SERINC5: variants seen among roughly 807,000 people sequenced by gnomAD.
SERINC5 encodes serine incorporator 5, also known as chromosome 5 open reading frame 12.
In SERINC5, 41 loss-of-function variants were observed where a neutral mutation model predicts 63.1. The ratio of observed to expected loss-of-function variants is 0.65; its 90% confidence interval spans 0.51 to 0.84. The LOEUF (loss-of-function observed/expected upper bound fraction) is 0.84. Ranked by LOEUF, SERINC5 falls within the 40% of genes least tolerant of loss-of-function variation. The pLI is 0.00. For synonymous variants in SERINC5, 222 were observed against 215.2 expected (o/e 1.03, Z -0.28); for missense variants, 523 against 573.0 (o/e 0.91, Z 0.89).
At chr5:80,183,072 A>G (rs2112434745) in intron 2 of SERINC5, among the ~76,000 whole-genome samples, 1 of 152,266 alleles carries the variant, frequency 6.6e-6, no homozygotes. Context: ...CTTTGGCTAC[A>G]AAGTGGAAGA....
intron 8 of SERINC5, among the ~76,000 whole-genome samples, chr5:80,152,073 T>C (rs1168793854): frequency 6.6e-6 from 1 of 152,240 alleles, no homozygotes; most frequent in Non-Finnish European, 1.5e-5. Flanking sequence ...ATCACTTTCA[T>C]TTCTGCTTTG....
intron 5 of SERINC5, 112 bp from the exon 6 acceptor site, chr5:80,169,658 A>AC: frequency 1.3e-6 from 1 of 753,526 alleles, no homozygotes; most frequent in Non-Finnish European, 2.2e-6. Context: ...GCTACAGGCC[A>AC]CAGGCACTGG....
At chr5:80,180,406 T>G (rs925912091) in intron 2 of SERINC5, among the ~76,000 whole-genome samples, 5 of 152,106 alleles carry the variant, frequency 3.3e-5, no homozygotes, top group African/African-American at 7.2e-5. Context: ...AGAAGATAAT[T>G]TACAGTTTCT....
intron 2 of SERINC5, among the ~76,000 whole-genome samples, chr5:80,188,207 C>T (rs945975516): frequency 1.0e-4 from 15 of 148,684 alleles, no homozygotes; most frequent in African/African-American, 2.5e-4. Context: ...CGCTTGAACC[C>T]GGGAGGCGGG....
chr5:80,174,977 A>C lies in SERINC5; in HGVS notation c.528T>G (p.Phe176Leu). 1 of 1,602,074 alleles carries C rather than the reference A, an allele frequency of 6.2e-7. No individual in the cohort carries two copies. Among genetic ancestry groups the C allele is most frequent in the Non-Finnish European group, 8.5e-7 (1 of 1,174,156 alleles). Residue 176 changes from phenylalanine to leucine, a missense_variant, in exon 5 of 12, where the codon TTT becomes TTG. Transcript: ENST00000507668. ...IGIQLLLLVE[F>L]AHKWNKNWTA... ...ACCAGTTCTTGTTCCACTTATGTGC[A>C]AACTCCACGAGCAGGAGGAGCTGGA...
chr5:80,232,385 C>T (rs1300475645), intron 1 of SERINC5, among the ~76,000 whole-genome samples: 1 of 138,132 alleles, frequency 7.2e-6, no homozygotes, highest in African/African-American at 2.8e-5. Flanking sequence ...GCCTGGGCGA[C>T]AGAGTGAGAC....
chr5:80,238,202 C>A (rs1379568595), intron 1 of SERINC5, among the ~76,000 whole-genome samples: 2 of 151,714 alleles, frequency 1.3e-5, no homozygotes, highest in African/African-American at 4.8e-5. Flanking sequence ...TAATTTACAG[C>A]TTCATGCTTT....
Position 80,238,005 on chromosome 5 carries a change from G to A in SERINC5, c.27+17891C>T, listed in dbSNP as rs905129619. Reference sequence around the variant, plus strand: ...TGTAGTCCCAGCTGCTCAGGAGGCTGAGGTAGGAGACTCACTTGAACCCGG... The same window carrying A: ...TGTAGTCCCAGCTGCTCAGGAGGCTAAGGTAGGAGACTCACTTGAACCCGG... On this transcript the variant is annotated intron_variant, in intron 1 of 11. Transcript: ENST00000507668. Among the ~76,000 whole-genome samples the A allele has an allele frequency of 5.3e-5, 8 of 150,232 alleles. No individual in the cohort carries two copies. The East Asian group carries it at 1.6e-3, about 30-fold the overall frequency.
downstream of SERINC5, among the ~76,000 whole-genome samples, chr5:80,137,164 CAA>C (rs796274001): frequency 2.5e-5 from 2 of 79,082 alleles, no homozygotes; most frequent in Non-Finnish European, 5.7e-5. Context: ...AAAAAAAAAA[CAA>C]AAAAAACACC....
intron 9 of SERINC5, among the ~76,000 whole-genome samples, chr5:80,150,584 A>AGCAACCAT (rs1746112725): frequency 6.6e-6 from 1 of 152,034 alleles, no homozygotes; most frequent in Admixed American, 6.6e-5. Context: ...TACAGGTGTG[A>AGCAACCAT]GCAACCATGC....
intron 1 of SERINC5, among the ~76,000 whole-genome samples, chr5:80,205,098 G>C (rs755207595): frequency 7.9e-5 from 12 of 152,148 alleles, no homozygotes; most frequent in African/African-American, 2.7e-4. Flanking sequence ...ACACATGCCC[G>C]TGTCTGCACT....
chr5:80,133,327 G>A (rs1167682456), intron 11 of SERINC5, among the ~76,000 whole-genome samples: 1 of 152,170 alleles, frequency 6.6e-6, no homozygotes, highest in African/African-American at 2.4e-5. Context: ...CTAAAACAGG[G>A]AGGAAAAACT....
At chr5:80,194,462 A>C (rs986835096) in intron 2 of SERINC5, among the ~76,000 whole-genome samples, 1 of 152,252 alleles carries the variant, frequency 6.6e-6, no homozygotes, top group African/African-American at 2.4e-5. Flanking sequence ...AATATTTTTC[A>C]CTGATGATGT....
At chr5:80,242,438 C>T (rs148827863) in intron 1 of SERINC5, among the ~76,000 whole-genome samples, 1 of 151,906 alleles carries the variant, frequency 6.6e-6, no homozygotes, top group African/African-American at 2.4e-5. Flanking sequence ...GTCAACATGG[C>T]GAAATCCCAT....
intron 1 of SERINC5, among the ~76,000 whole-genome samples, chr5:80,228,914 C>T (rs1303092106): frequency 6.8e-6 from 1 of 146,486 alleles, no homozygotes; most frequent in Non-Finnish European, 1.5e-5. Flanking sequence ...GAAACAAGAA[C>T]AAAAGAAAAA....
chr5:80,180,117 A>G (rs759606182), intron 2 of SERINC5, among the ~76,000 whole-genome samples: 3 of 152,214 alleles, frequency 2.0e-5, no homozygotes, highest in Non-Finnish European at 2.9e-5. Flanking sequence ...AATGTTGACA[A>G]TAGCTTATTC....
rs1484350254 is a variant in SERINC5, at chr5:80,142,623, AAC to A, written c.*1038_*1039del. The A allele has an allele frequency of 7.1e-6, 7 of 985,346 alleles. No homozygotes were observed. Among genetic ancestry groups the A allele is most frequent in the Non-Finnish European group, 7.2e-6 (6 of 829,954 alleles). 61.0% of individuals were successfully genotyped at this position (985,346 alleles called of 1,614,324 possible). ...CTCCAAGGATGCCAGCATGAACCTG[AAC>A]GGTATGGTCACGTTACAGATCCAGA... is the stretch of plus-strand genomic sequence containing the variant. On this transcript the variant is annotated 3_prime_UTR_variant, in exon 12 of 12. Coordinates refer to ENST00000507668, the MANE Select transcript of SERINC5 (RefSeq NM_001174072.3).
intron 11 of SERINC5, among the ~76,000 whole-genome samples, chr5:80,131,498 G>T (rs1423551812): frequency 6.6e-6 from 1 of 152,218 alleles, no homozygotes; most frequent in Non-Finnish European, 1.5e-5. Flanking sequence ...TCCAGTATGG[G>T]AAAGAGTGTG....
chr5:80,228,575 C>T (rs892846390), intron 1 of SERINC5, among the ~76,000 whole-genome samples: 2 of 152,096 alleles, frequency 1.3e-5, no homozygotes, highest in African/African-American at 4.8e-5. Context: ...CCTGCCTCAG[C>T]CTCGCAAGTA....
Sources: allele counts gnomAD v4.1 joint callset (sites outside exome capture counted in the v4.1 genomes callset), GRCh38; gene constraint gnomAD v4.1.1; transcripts MANE v1.5; gene names NCBI Gene and HGNC (gene_info 2026-07-23, HGNC 2026-07-21).